HR: variants seen among roughly 807,000 people sequenced by gnomAD.
HR encodes HR lysine demethylase and nuclear receptor corepressor.
HR carries 83 observed loss-of-function variants against 128.6 expected under a neutral mutation model. That is an observed-to-expected ratio of 0.65 (90% confidence interval 0.54 to 0.77). The LOEUF (loss-of-function observed/expected upper bound fraction) is 0.77, where lower values mean the gene tolerates loss of function less well. Ranked by LOEUF, HR falls within the 30% of genes least tolerant of loss-of-function variation. The pLI, the probability that HR is intolerant of heterozygous loss-of-function variation, is 0.00. For synonymous variants in HR, 681 were observed against 658.2 expected (o/e 1.03, Z -0.53); for missense variants, 1,490 against 1,574.6 (o/e 0.95, Z 0.91).
intron 5 of HR, 137 bp downstream of exon 5, chr8:22,125,174 T>A: frequency 1.2e-6 from 1 of 828,330 alleles, no homozygotes; most frequent in Non-Finnish European, 1.9e-6. Context: ...GACACCTTCC[T>A]GATGTCCCCA....
At position 22,116,454 on chromosome 8, in the gene HR, A is replaced by G; in HGVS notation, c.3379-26T>C. On this transcript the variant is annotated intron_variant, in intron 17 of 18. Transcript: ENST00000381418. This position sits in a 1 kb window ranked among gnomAD's most constrained non-coding sequence, Gnocchi z 4.2. ...CTGTGTCGGGGGGACATGGACAGTGAGGCTCAAGATCACACATCCTCTCCC... is the reference window on the plus strand; with the variant it reads ...CTGTGTCGGGGGGACATGGACAGTGGGGCTCAAGATCACACATCCTCTCCC... 2 of 1,611,888 alleles carry G rather than the reference A, an allele frequency of 1.2e-6. No homozygotes were observed. The highest frequency in any genetic ancestry group is 1.7e-6 in the Non-Finnish European group (2 of 1,179,070).
At chr8:22,120,298 G>C in intron 12 of HR, 44 bp downstream of exon 12, 1 of 1,613,480 alleles carries the variant, frequency 6.2e-7, no homozygotes, top group South Asian at 1.1e-5. Context: ...GATCCCTAGG[G>C]CTTGGGCTCC....
At position 22,123,593 on chromosome 8, in the gene HR, G is replaced by A. The variant is rs931151387; in HGVS notation, c.1915+56C>T. 6.1e-6 allele frequency: 9 copies of A among 1,481,364 alleles called. No individual in the cohort carries two copies. The African/African-American group carries it at 9.7e-5, about 16-fold the overall frequency. The allele number at this position is 1,481,364 out of a possible 1,614,324, so 91.8% of individuals were successfully genotyped here. A position where few individuals can be genotyped will look rare whatever the true frequency, so the allele number is the denominator to read the frequency against. ...GCAGCCAACGAATGACCACAGGCTTGCAGCAGTCCCCCTGAGGGCTCCATC... is the reference window on the plus strand; with the variant it reads ...GCAGCCAACGAATGACCACAGGCTTACAGCAGTCCCCCTGAGGGCTCCATC... On this transcript the variant is annotated intron_variant, in intron 6 of 18. Transcript: ENST00000381418.
rs909719778 is a variant in HR at position 22,116,001 on chromosome 8, G to C, written c.3508-239C>G. Among the ~76,000 whole-genome samples, 1 of 152,304 alleles carries C rather than the reference G, an allele frequency of 6.6e-6. No individual in the cohort carries two copies. Among genetic ancestry groups the C allele is most frequent in the Middle Eastern group, 3.4e-3 (1 of 294 alleles). On this transcript the variant is annotated intron_variant, in intron 18 of 18. Transcript: ENST00000381418. The surrounding 1 kb of genome is among the most constrained non-coding windows in gnomAD (Gnocchi z 4.2). Reference sequence around the variant, plus strand: ...CCAAAAAAATTTAACCAGGCATGGTGGTGGGCGCCTGTAGTCCCAGCTACT... The same window carrying C: ...CCAAAAAAATTTAACCAGGCATGGTCGTGGGCGCCTGTAGTCCCAGCTACT...
chr8:22,119,201 G>A lies in HR; in HGVS notation c.3060C>T (p.Ala1020=), dbSNP rs762379592. 30 of 1,613,742 alleles carry A rather than the reference G, an allele frequency of 1.9e-5. No individual in the cohort carries two copies. The highest frequency in any genetic ancestry group is 7.7e-5 in the South Asian group (7 of 91,092). ...GGTGCCAGGCAGGCAGTGGTGTGTC[G>A]GCATGCACCAGGATGCTGACCAGGT... ...VADLVSILVH[A]DTPLPAWHRA... is the part of the protein sequence containing the mutation. The change falls in exon 15 of 19, where the codon GCC becomes GCT. Residue 1020 remains alanine (A), a synonymous_variant. Transcript: ENST00000381418.
chr8:22,129,334 G>T, intron 1 of HR, 124 bp from the exon 2 acceptor site: 1 of 709,358 alleles, frequency 1.4e-6, no homozygotes, highest in Non-Finnish European at 2.2e-6. Flanking sequence ...GCAAGTGCCA[G>T]CCCACAACTG....
At chr8:22,123,617 T>TACCCCCCCC in intron 6 of HR, 32 bp downstream of exon 6, 12 of 292,092 alleles carry the variant, frequency 4.1e-5, no homozygotes, top group Non-Finnish European at 5.6e-5. Context: ...GAGGGCTCCA[T>TACCCCCCCC]CCCGCCCTCC....
At chr8:22,128,113 G>A in intron 2 of HR, 1 of 566,000 alleles carries the variant, frequency 1.8e-6, no homozygotes, top group Non-Finnish European at 3.2e-6. Context: ...GGGCCATTTG[G>A]TGTCCTGTGC....
intron 16 of HR, chr8:22,118,723 C>T (rs1405182645): frequency 1.0e-5 from 6 of 584,374 alleles, no homozygotes; most frequent in South Asian, 4.1e-5. Context: ...ATTTCATCAT[C>T]GGGTCCAGGC....
chr8:22,129,686 TG>T (rs914078990), intron 1 of HR, among the ~76,000 whole-genome samples: 174 of 152,334 alleles, frequency 1.1e-3, no homozygotes, highest in African/African-American at 3.9e-3. Flanking sequence ...TCCGTGGTTT[TG>T]GGGGTGCTGC....
chr8:22,119,733 A>T, intron 14 of HR, 27 bp downstream of exon 14: 6 of 1,590,072 alleles, frequency 3.8e-6, no homozygotes, highest in Non-Finnish European at 5.1e-6. Context: ...GGGAGTAGAG[A>T]CTGGGCAGGA....
chr8:22,119,062 A>C lies in HR; in HGVS notation c.3101T>G (p.Phe1034Cys). The change falls in exon 16 of 19, where the codon TTC becomes TGC. Residue 1034 changes from phenylalanine (F) to cysteine (C), a missense_variant. By Grantham distance (205) the Phe-to-Cys change is radical (BLOSUM62 -2). Around this residue, in one of 3 missense-constraint regions of HR, gnomAD observed 423 missense variants for 495.9 expected, o/e 0.85. Coordinates refer to ENST00000381418, the MANE Select transcript of HR (RefSeq NM_005144.5). ...LPAWHRAQKDFLSGLDGEGLW... is the reference protein window; with the variant it reads ...LPAWHRAQKDCLSGLDGEGLW... ...CCCCTCCCCGTCCAGGCCTGAAAGG[A>C]AGTCTGAGGAGGAAAGAGCGCTCAG... is the stretch of plus-strand genomic sequence containing the variant. The C allele has an allele frequency of 6.2e-7, 1 of 1,613,294 alleles. No homozygotes were observed. The highest frequency in any genetic ancestry group is 8.5e-7 in the Non-Finnish European group (1 of 1,179,808).
intron 12 of HR, 55 bp downstream of exon 12, chr8:22,120,287 C>G: frequency 6.2e-7 from 1 of 1,613,056 alleles, no homozygotes. Flanking sequence ...CTCTGCCACC[C>G]GATCCCTAGG....
chr8:22,121,273 C>T lies in HR; in HGVS notation c.2204-45G>A, dbSNP rs765951873. 5 of 1,602,402 alleles carry T rather than the reference C, an allele frequency of 3.1e-6. No individual in the cohort carries two copies. The Admixed American group carries it at 6.7e-5, about 22-fold the overall frequency. ...TGGGGGGCTTCGCGTTTGGTCCCTC[C>T]TCTTCCCCTCGAGGCCCTCTTGCCC... On this transcript the variant is annotated intron_variant, in intron 9 of 18. Coordinates refer to ENST00000381418, the MANE Select transcript of HR (RefSeq NM_005144.5).
Position 22,128,983 on chromosome 8 carries a change from G to C in HR, c.188C>G (p.Pro63Arg), listed in dbSNP as rs73549525. ...VLSTPDSWLP[P>R]GFPQGPKDML... is the part of the protein sequence containing the mutation. ...GTCCTTGGGGCCCTGGGGGAAGCCA[G>C]GGGGAAGCCAGGAGTCTGGGGTGCT... Residue 63 changes from proline (P) to arginine (R), a missense_variant, in exon 2 of 19, where the codon CCT (proline) becomes CGT (arginine). This residue lies in a region of HR where 1,060 missense variants were observed against 1,060.9 expected (regional missense o/e 1.00). Transcript: ENST00000381418. 5.5e-3 allele frequency: 8,908 copies of C among 1,613,254 alleles called. 415 individuals are homozygous for C. The African/African-American group carries it at 0.1, about 18-fold the overall frequency.
chr8:22,119,720 C>T, intron 14 of HR, 40 bp downstream of exon 14: 2 of 1,577,406 alleles, frequency 1.3e-6, no homozygotes, highest in South Asian at 2.4e-5. Context: ...GGCAGACAGG[C>T]ATGGGAGTAG....
chr8:22,122,982 A>C, intron 6 of HR, 103 bp from the exon 7 acceptor site: 1 of 1,109,070 alleles, frequency 9.0e-7, no homozygotes, highest in Admixed American at 2.0e-5. Context: ...GGGACTCAAT[A>C]GTCCACAAAA....
At chr8:22,118,771 C>T (rs1367370723) in intron 16 of HR, 179 bp downstream of exon 16, 17 of 615,598 alleles carry the variant, frequency 2.8e-5, no homozygotes, top group Admixed American at 2.2e-4. Flanking sequence ...CTGAGCCCCA[C>T]GGCAGAACTC....
chr8:22,123,617 T>TTGGGGCGC, intron 6 of HR, 32 bp downstream of exon 6: 1 of 292,092 alleles, frequency 3.4e-6, no homozygotes, highest in Non-Finnish European at 6.2e-6. Context: ...GAGGGCTCCA[T>TTGGGGCGC]CCCGCCCTCC....
Sources: gnomAD v4.1 joint callset for allele counts (sites outside exome capture counted in the v4.1 genomes callset) on GRCh38, gnomAD v4.1.1 for gene constraint, gnomAD v4.1.1 regional missense constraint, Gnocchi (gnomAD v3.1) non-coding constraint, MANE v1.5 for transcripts, NCBI Gene and HGNC (gene_info 2026-07-23, HGNC 2026-07-21) for gene names.